Variants in BBS2 observed in about 807,000 individuals in gnomAD.
BBS2 encodes Bardet-Biedl syndrome 2.
BBS2 carries 62 observed loss-of-function variants against 83.0 expected under a neutral mutation model. The observed-to-expected ratio is 0.75, with a 90% CI of 0.61 to 0.92. The LOEUF is 0.92. BBS2 is among the 40% of genes least tolerant of loss of function. The pLI is 0.00. For synonymous variants in BBS2, 303 were observed against 326.1 expected, an observed-to-expected ratio of 0.93 and a Z score of 0.76; for missense variants, 784 against 901.0, an observed-to-expected ratio of 0.87 and a Z score of 1.66.
At chr16:56,498,001 G>T in intron 13 of BBS2, 121 bp from the exon 14 acceptor site, 1 of 1,046,072 alleles carries the variant, frequency 9.6e-7, no homozygotes, top group Non-Finnish European at 1.4e-6. Flanking sequence ...TATATGCAGT[G>T]TTGAAAAAGG....
intron 8 of BBS2, 32 bp downstream of exon 8, chr16:56,502,641 A>C: frequency 6.2e-7 from 1 of 1,614,146 alleles, no homozygotes; most frequent in African/African-American, 1.3e-5. Flanking sequence ...GGAAAACGTG[A>C]CTTTTTAAGG....
At position 56,515,441 on chromosome 16, in the gene BBS2, CA is replaced by C. The variant is rs562110499; in HGVS notation, c.118-762del. On this transcript the variant is annotated intron_variant, in intron 1 of 16. Coordinates refer to ENST00000245157, the MANE Select transcript of BBS2 (RefSeq NM_031885.5). Reference sequence around the variant, plus strand: ...TGTAGCCCTTCGCAGGACCACAGTACAAAAAGAGATACAAAGTATATCTGAG... The same window carrying C: ...TGTAGCCCTTCGCAGGACCACAGTACAAAAGAGATACAAAGTATATCTGAG... Among the ~76,000 whole-genome samples, 35 of 152,002 alleles carry C rather than the reference CA, an allele frequency of 2.3e-4. No homozygotes were observed. In the South Asian group the frequency reaches 7.3e-3, roughly 32 times the overall value.
intron 4 of BBS2, 44 bp downstream of exon 4, chr16:56,510,814 TC>T (rs1391667839): frequency 6.2e-7 from 1 of 1,603,348 alleles, no homozygotes; most frequent in Admixed American, 1.7e-5. Flanking sequence ...ATGGCAAAAT[TC>T]ATTTGGCTGA....
In BBS2 at chr16:56,500,658, T is replaced by G. The variant is rs1228539757; in HGVS notation, c.1397+196A>C. The G allele has an allele frequency of 1.0e-5, 6 of 575,230 alleles. No individual in the cohort carries two copies. The African/African-American group carries it at 1.1e-4, about 11-fold the overall frequency. The allele number at this position is 575,230 out of a possible 1,614,324, so 35.6% of individuals were successfully genotyped here. Reference sequence around the variant, plus strand: ...AAAAAAAAAAAGAACCATCTTAAACTTACATATCAGTTTTTCCATTTTCTT... The same window carrying G: ...AAAAAAAAAAAGAACCATCTTAAACGTACATATCAGTTTTTCCATTTTCTT... On this transcript the variant is annotated intron_variant, in intron 11 of 16. Transcript: ENST00000245157.
chr16:56,499,937 T>C lies in BBS2; in HGVS notation c.1398-30A>G, dbSNP rs372357883. 2.4e-5 allele frequency: 39 copies of C among 1,612,982 alleles called. 1 individual carries two copies. In the East Asian group the frequency reaches 3.8e-4, roughly 16 times the overall value. ...GGCCAATCAATGAAACACAAGAGAATTGTTTTGTATAGAATGTTCTTTCAA... is the reference window on the plus strand; with the variant it reads ...GGCCAATCAATGAAACACAAGAGAACTGTTTTGTATAGAATGTTCTTTCAA... On this transcript the variant is annotated intron_variant, in intron 11 of 16. Transcript: ENST00000245157.
chr16:56,471,254 C>T (rs1256165603), intron 17 of BBS2, among the ~76,000 whole-genome samples: 1 of 151,150 alleles, frequency 6.6e-6, no homozygotes, highest in Non-Finnish European at 1.5e-5. Flanking sequence ...CCAAGCTACT[C>T]AGGAGGCTGA....
At chr16:56,476,029 A>G in intron 17 of BBS2, 12 of 1,604,646 alleles carry the variant, frequency 7.5e-6, no homozygotes, top group Non-Finnish European at 9.4e-6. Context: ...GTGTCACTGT[A>G]TTTGTCTTTT....
At chr16:56,510,114 A>G (rs1964535408) in intron 4 of BBS2, 80 bp from the exon 5 acceptor site, 4 of 1,266,594 alleles carry the variant, frequency 3.2e-6, no homozygotes, top group Non-Finnish European at 4.6e-6. Context: ...AAAATTGCAC[A>G]GTACTTTGCA....
chr16:56,518,108 C>A (rs1189496220), intron 1 of BBS2, among the ~76,000 whole-genome samples: 1 of 152,182 alleles, frequency 6.6e-6, no homozygotes, highest in East Asian at 1.9e-4. Context: ...TGAGTCACTG[C>A]ACCCAGCCTG....
At chr16:56,506,295 A>G (rs1964421929) in intron 5 of BBS2, 71 bp from the exon 6 acceptor site, 2 of 1,118,434 alleles carry the variant, frequency 1.8e-6, no homozygotes, top group Non-Finnish European at 2.7e-6. Flanking sequence ...ACGGCTTTAT[A>G]AGACTTCACA....
chr16:56,519,240 A>G (rs1964842867), intron 1 of BBS2, among the ~76,000 whole-genome samples: 1 of 150,596 alleles, frequency 6.6e-6, no homozygotes, highest in South Asian at 2.1e-4. Flanking sequence ...CTGAGGCAGG[A>G]GAATTGCAGG....
chr16:56,474,211 T>C lies in BBS2; in HGVS notation c.*1-3516A>G, dbSNP rs567412664. Among the ~76,000 whole-genome samples, 66 of 152,252 alleles carry C rather than the reference T, an allele frequency of 4.3e-4. 1 individual carries two copies. In the South Asian group the frequency reaches 0.013, roughly 31 times the overall value. ...TTAGGTAATAACATGCTGAGAAATC[T>C]CTTAAGGTTAGATAAAATAATATTC... On this transcript the variant is annotated intron_variant, in intron 17 of 17. Coordinates refer to the BBS2 transcript ENST00000682047.
intron 7 of BBS2, among the ~76,000 whole-genome samples, chr16:56,504,599 T>C (rs1393681866): frequency 1.3e-5 from 2 of 152,248 alleles, no homozygotes; most frequent in African/African-American, 4.8e-5. Flanking sequence ...TTTCCACTTA[T>C]ATAATTTTCT....
At chr16:56,496,904 T>C (rs1392537139) in intron 15 of BBS2, 63 bp downstream of exon 15, 5 of 1,123,226 alleles carry the variant, frequency 4.5e-6, no homozygotes, top group Non-Finnish European at 5.5e-6. Flanking sequence ...CATCTGAGAG[T>C]TGCTATTCCA....
intron 2 of BBS2, among the ~76,000 whole-genome samples, chr16:56,513,602 T>C (rs1347510384): frequency 6.6e-6 from 1 of 152,244 alleles, no homozygotes; most frequent in Non-Finnish European, 1.5e-5. Context: ...AATGATTACA[T>C]ATTATATAAT....
intron 15 of BBS2, among the ~76,000 whole-genome samples, chr16:56,494,303 G>A (rs544536038): frequency 2.0e-5 from 3 of 151,400 alleles, no homozygotes; most frequent in Admixed American, 6.6e-5. Context: ...GAGAAGAGGC[G>A]CAGTAATAAA....
rs746353796 is a variant in BBS2, at chr16:56,519,813, C to G, written c.50G>C (p.Arg17Pro). ...TLKLRHKISP[R>P]MVAIGRYDGT... The stretch of plus-strand genomic sequence containing the variant: ...GTCGTAGCGCCCTATGGCCACCATT[C>G]GGGGGCTGATTTTGTGGCGCAGTTT... Residue 17 changes from arginine to proline, a missense_variant, in exon 1 of 17, where the codon CGA becomes CCA. Coordinates refer to ENST00000245157, the MANE Select transcript of BBS2 (RefSeq NM_031885.5). The G allele has an allele frequency of 6.2e-6, 10 of 1,613,822 alleles. No homozygotes were observed. In the South Asian group the frequency reaches 7.7e-5, roughly 12 times the overall value.
At position 56,485,676 on chromosome 16, in the gene BBS2, T is replaced by C. The variant is rs753656568; in HGVS notation, c.1973A>G (p.Tyr658Cys). The change falls in exon 16 of 17, where the codon TAT becomes TGT. Residue 658 changes from tyrosine to cysteine, a missense_variant. Transcript: ENST00000245157. ...YDLNRDLLNG[Y>C]KIRCNNHTEL... The stretch of plus-strand genomic sequence containing the variant: ...TGTGTGATTGTTACAGCGAATTTTA[T>C]ATCCATTTAGCAAGTCTCTATTAAG... 1.9e-5 allele frequency: 30 copies of C among 1,613,932 alleles called. No individual in the cohort carries two copies. The highest frequency in any genetic ancestry group is 1.6e-4 in the Middle Eastern group (1 of 6,084).
chr16:56,517,877 T>C (rs1964796377), intron 1 of BBS2, among the ~76,000 whole-genome samples: 4 of 151,306 alleles, frequency 2.6e-5, no homozygotes. Flanking sequence ...TGGAGTGCAA[T>C]GGCACGGTCT....
Sources: allele counts gnomAD v4.1 joint callset (sites outside exome capture counted in the v4.1 genomes callset), GRCh38; gene constraint gnomAD v4.1.1; transcripts MANE v1.5; gene names NCBI Gene and HGNC (gene_info 2026-07-23, HGNC 2026-07-21).